The following MYO1E variants were observed in gnomAD, a reference collection of about 807,000 sequenced individuals.
MYO1E encodes the protein unconventional myosin-Ie.
MYO1E carries 68 observed loss-of-function variants against 151.1 expected under a neutral mutation model. That is an observed-to-expected ratio of 0.45 (90% CI 0.37 to 0.55). The LOEUF (loss-of-function observed/expected upper bound fraction) is 0.55, where lower values mean the gene tolerates loss of function less well. Among genes scored for constraint, MYO1E ranks in the 20% least tolerant of loss-of-function variants. The pLI, the probability that MYO1E is intolerant of heterozygous loss-of-function variation, is 0.00. For missense variants in MYO1E, 1,363 were observed against 1,389.3 expected (o/e 0.98, Z 0.30); for synonymous variants, 601 against 501.7 (o/e 1.20, Z -2.64).
chr15:59,161,316 G>A, intron 23 of MYO1E, 86 bp from the exon 24 acceptor site: 1 of 1,456,750 alleles, frequency 6.9e-7, no homozygotes, highest in South Asian at 1.2e-5. Flanking sequence ...TTCTGCTGCT[G>A]GAAAAGCATA....
In MYO1E at chr15:59,138,289, C is replaced by T. The variant is rs1051024; in HGVS notation, c.3159G>A (p.Val1053=). ...PKPQPKPKPQ[V]PQCKALYAYD... ...AGGCATACAAAGCCTTGCACTGTGG[C>T]ACCTGAGGCTTGGGCTTGGGCTGGG... Residue 1053 remains valine (V), a synonymous_variant, in exon 27 of 28, where the codon GTG becomes GTA. Coordinates refer to ENST00000288235, the MANE Select transcript of MYO1E (RefSeq NM_004998.4). The T allele has an allele frequency of 2.5e-6, 4 of 1,614,114 alleles. No individual in the cohort carries two copies. In the East Asian group the frequency reaches 6.7e-5, roughly 27 times the overall value.
chr15:59,147,312 C>T (rs750608022), intron 26 of MYO1E, among the ~76,000 whole-genome samples: 3 of 151,962 alleles, frequency 2.0e-5, no homozygotes, highest in Non-Finnish European at 4.4e-5. Flanking sequence ...AGAAAGAGAC[C>T]GTGGAGGCCA....
intron 2 of MYO1E, among the ~76,000 whole-genome samples, chr15:59,269,586 A>G (rs1292383927): frequency 2.0e-5 from 3 of 152,314 alleles, no homozygotes; most frequent in Non-Finnish European, 1.5e-5. Context: ...TGCTGGGCGC[A>G]GTGGCTCACG....
intron 23 of MYO1E, among the ~76,000 whole-genome samples, chr15:59,162,026 A>G (rs2079540680): frequency 6.6e-6 from 1 of 152,140 alleles, no homozygotes; most frequent in African/African-American, 2.4e-5. Flanking sequence ...ATTTAAAAAG[A>G]AAAGCTAAAT....
In MYO1E at chr15:59,236,369, TACACACACACACACACACAC is replaced by T. The variant is rs56164138; in HGVS notation, c.420+196_420+215del. ...TCAAAAAAGAAAAAAAAAAAATATA[TACACACACACACACACACAC>T]ACACACACACACACACACACACACA... On this transcript the variant is annotated intron_variant, in intron 5 of 27. Transcript: ENST00000288235. Among the ~76,000 whole-genome samples the T allele has an allele frequency of 1.8e-3, 215 of 117,746 alleles. 3 individuals are homozygous for T. The highest frequency in any genetic ancestry group is 5.1e-3 in the African/African-American group (159 of 30,964). The allele number at this position is 117,746 out of a possible 152,430, so 77.2% of individuals were successfully genotyped here.
In MYO1E at chr15:59,153,724, C is replaced by T; in HGVS notation, c.2946G>A (p.Arg982=). The T allele has an allele frequency of 6.2e-7, 1 of 1,614,110 alleles. No homozygotes were observed. The highest frequency in any genetic ancestry group is 8.5e-7 in the Non-Finnish European group (1 of 1,179,986). The change falls in exon 26 of 28, where the codon AGG becomes AGA. Residue 982 remains arginine (R), a synonymous_variant. Coordinates refer to ENST00000288235, the MANE Select transcript of MYO1E (RefSeq NM_004998.4). The part of the protein sequence containing the change: ...VPYPHAPGSQ[R]SNQKSLYTSM... ...AGGTGTACAGGCTTTTCTGATTGGA[C>T]CTCTGGCTTCCAGGAGCATGGGGAT... is the stretch of plus-strand genomic sequence containing the variant.
intron 1 of MYO1E, among the ~76,000 whole-genome samples, chr15:59,301,755 T>C (rs1354635698): frequency 6.6e-6 from 1 of 152,218 alleles, no homozygotes; most frequent in East Asian, 1.9e-4. Flanking sequence ...CTTCTGCGAC[T>C]TACTACTGGC....
intron 5 of MYO1E, 82 bp downstream of exon 5, chr15:59,236,503 G>A (rs1216821294): frequency 8.0e-7 from 1 of 1,246,832 alleles, no homozygotes; most frequent in African/African-American, 1.5e-5. Context: ...TTCTGTGGAA[G>A]AAAAATTCTT....
intron 3 of MYO1E, among the ~76,000 whole-genome samples, chr15:59,257,021 C>T (rs2080197746): frequency 6.6e-6 from 1 of 152,160 alleles, no homozygotes; most frequent in African/African-American, 2.4e-5. Flanking sequence ...AGATATTCTC[C>T]TGGGTTTGTG....
chr15:59,137,336 G>A lies in MYO1E; in HGVS notation c.*44C>T. On this transcript the variant is annotated 3_prime_UTR_variant, in exon 28 of 28. Coordinates refer to ENST00000288235, the MANE Select transcript of MYO1E (RefSeq NM_004998.4). ...CCCTAAATATCCCCTCCCCTGGTCTGTGCCTGGAGCTCCTCTGCCCCATGT... is the reference window on the plus strand; with the variant it reads ...CCCTAAATATCCCCTCCCCTGGTCTATGCCTGGAGCTCCTCTGCCCCATGT... 6.4e-7 allele frequency: 1 copy of A among 1,551,216 alleles called. No individual in the cohort carries two copies. Among genetic ancestry groups the A allele is most frequent in the South Asian group, 1.1e-5 (1 of 89,830 alleles).
intron 4 of MYO1E, among the ~76,000 whole-genome samples, chr15:59,236,901 A>C (rs1266426960): frequency 6.6e-6 from 1 of 152,218 alleles, no homozygotes; most frequent in Non-Finnish European, 1.5e-5. Context: ...GATAATTACC[A>C]CTGTGCACAC....
At chr15:59,160,808 A>C (rs2079533998) in intron 24 of MYO1E, among the ~76,000 whole-genome samples, 1 of 152,078 alleles carries the variant, frequency 6.6e-6, no homozygotes, top group Non-Finnish European at 1.5e-5. Flanking sequence ...TGAAGCTAAC[A>C]AACTTTGATT....
In MYO1E at chr15:59,352,068, C is replaced by T. The variant is rs556592139; in HGVS notation, c.3+20430G>A. Reference sequence around the variant, plus strand: ...GAGAAAGTATAGCATGGACAGCAGCCGTGGAAGAGGCACCCCGGGTTGATA... The same window carrying T: ...GAGAAAGTATAGCATGGACAGCAGCTGTGGAAGAGGCACCCCGGGTTGATA... On this transcript the variant is annotated intron_variant, in intron 1 of 27. Coordinates refer to ENST00000288235, the MANE Select transcript of MYO1E (RefSeq NM_004998.4). Among the ~76,000 whole-genome samples the T allele has an allele frequency of 3.9e-5, 6 of 152,262 alleles. No homozygotes were observed. In the South Asian group the frequency reaches 6.2e-4, roughly 16 times the overall value.
intron 17 of MYO1E, among the ~76,000 whole-genome samples, chr15:59,190,951 G>C (rs2079729268): frequency 6.6e-6 from 1 of 152,052 alleles, no homozygotes; most frequent in Non-Finnish European, 1.5e-5. Context: ...TGAAAGCAAA[G>C]GTACAAGAAT....
At chr15:59,156,673 A>G (rs1220935350) in intron 25 of MYO1E, among the ~76,000 whole-genome samples, 1 of 152,264 alleles carries the variant, frequency 6.6e-6, no homozygotes, top group Non-Finnish European at 1.5e-5. Context: ...TGGTACAAAT[A>G]GAATTCTCTT....
In MYO1E at chr15:59,281,775, T is replaced by C. The variant is rs117697224; in HGVS notation, c.4-9326A>G. Among the ~76,000 whole-genome samples, 744 of 152,308 alleles carry C rather than the reference T, an allele frequency of 4.9e-3. 1 individual carries two copies. Among genetic ancestry groups the C allele is most frequent in the Non-Finnish European group, 6.1e-3 (416 of 68,026 alleles). On this transcript the variant is annotated intron_variant, in intron 1 of 27. Coordinates refer to ENST00000288235, the MANE Select transcript of MYO1E (RefSeq NM_004998.4). ...CCACCAGTTTGGTGTGCTAGTTTTGTTTCTTCAACATGTAAAAATAGCTAC... is the reference window on the plus strand; with the variant it reads ...CCACCAGTTTGGTGTGCTAGTTTTGCTTCTTCAACATGTAAAAATAGCTAC...
At position 59,160,945 on chromosome 15, in the gene MYO1E, G is replaced by A. The variant is rs76468519; in HGVS notation, c.2785+128C>T. On this transcript the variant is annotated intron_variant, in intron 24 of 27. Coordinates refer to ENST00000288235, the MANE Select transcript of MYO1E (RefSeq NM_004998.4). Reference sequence around the variant, plus strand: ...TGAAATGTTCCATTCTGAAGAAAGCGTGAGCCCCAGCAAGCAGAAGGTGTA... The same window carrying A: ...TGAAATGTTCCATTCTGAAGAAAGCATGAGCCCCAGCAAGCAGAAGGTGTA... 0.025 allele frequency: 31,467 copies of A among 1,282,604 alleles called. 524 individuals are homozygous for A. Among genetic ancestry groups the A allele is most frequent in the African/African-American group, 0.062 (4,221 of 68,302 alleles). 79.5% of individuals were successfully genotyped at this position (1,282,604 alleles called of 1,614,324 possible). A position where few individuals can be genotyped will look rare whatever the true frequency, so the allele number is the denominator to read the frequency against.
intron 17 of MYO1E, among the ~76,000 whole-genome samples, chr15:59,191,332 C>CAGAGACAGAGAGAG (rs1191337285): frequency 1.9e-5 from 2 of 105,660 alleles, no homozygotes; most frequent in African/African-American, 6.9e-5. Flanking sequence ...CAGACAGAGA[C>CAGAGACAGAGAGAG]AGAGAGAGAG....
At chr15:59,220,747 C>A (rs924513600) in intron 9 of MYO1E, among the ~76,000 whole-genome samples, 7 of 151,414 alleles carry the variant, frequency 4.6e-5, no homozygotes, top group African/African-American at 1.7e-4. Context: ...ATATTAATGT[C>A]CAACAACAGA....
Sources: gnomAD v4.1 joint callset for allele counts (sites outside exome capture counted in the v4.1 genomes callset) on GRCh38, gnomAD v4.1.1 for gene constraint, MANE v1.5 for transcripts, NCBI Gene and HGNC (gene_info 2026-07-23, HGNC 2026-07-21) for gene names.